ARL15: variants seen among roughly 807,000 people sequenced by gnomAD.
ARL15 encodes ARF like GTPase 15.
A neutral mutation model predicts 25.2 loss-of-function variants in ARL15; 19 were observed. The observed-to-expected ratio is 0.75, with a 90% CI of 0.53 to 1.10. The LOEUF is 1.10. Ranked by LOEUF, ARL15 falls within the 50% of genes least tolerant of loss-of-function variation. The probability of loss-of-function intolerance (pLI) is 0.00; values close to 1 mark genes in which losing one functional copy is unlikely to be tolerated. For synonymous variants in ARL15, 94 were observed against 86.8 expected, an observed-to-expected ratio of 1.08 and a Z score of -0.46; for missense variants, 220 against 246.0, an observed-to-expected ratio of 0.89 and a Z score of 0.71.
intron 4 of ARL15, among the ~76,000 whole-genome samples, chr5:53,926,228 C>T (rs1386471062): frequency 1.3e-5 from 2 of 152,026 alleles, no homozygotes; most frequent in East Asian, 3.9e-4. Context: ...TGCAGGAAGC[C>T]ACTAATGCCC....
At chr5:54,126,743 G>A (rs933297586) in intron 3 of ARL15, among the ~76,000 whole-genome samples, 5 of 152,212 alleles carry the variant, frequency 3.3e-5, no homozygotes, top group African/African-American at 7.2e-5. Flanking sequence ...CGGCAAGAAG[G>A]CCTTTGCCAA....
At chr5:54,114,984 G>A (rs1263612084) in intron 3 of ARL15, among the ~76,000 whole-genome samples, 2 of 152,150 alleles carry the variant, frequency 1.3e-5, no homozygotes, top group African/African-American at 2.4e-5. Flanking sequence ...GAAACAGTGG[G>A]GACTGCAGTT....
chr5:54,200,862 ACTT>A (rs1238090536), intron 1 of ARL15, among the ~76,000 whole-genome samples: 1 of 152,172 alleles, frequency 6.6e-6, no homozygotes, highest in African/African-American at 2.4e-5. Flanking sequence ...CCATAATTAT[ACTT>A]CTTCTGCAGT....
rs994572418 is a variant in ARL15, at chr5:53,884,517, G to A, written c.*2044C>T. 1.3e-5 allele frequency: 2 copies of A among 152,064 alleles called. No homozygotes were observed. Among genetic ancestry groups the A allele is most frequent in the African/African-American group, 4.8e-5 (2 of 41,386 alleles). The allele number at this position is 152,064 out of a possible 1,614,324, so 9.4% of individuals were successfully genotyped here. A position where few individuals can be genotyped will look rare whatever the true frequency, so the allele number is the denominator to read the frequency against. On this transcript the variant is annotated 3_prime_UTR_variant, in exon 5 of 5. Coordinates refer to ENST00000504924, the MANE Select transcript of ARL15 (RefSeq NM_019087.3). ...CTCCGACCTGCTAGACAAAGAGGGA[G>A]CCTTATTGACAGTTGTAAAGCATTA... is the stretch of plus-strand genomic sequence containing the variant.
At chr5:53,996,685 C>T (rs1191739334) in intron 4 of ARL15, among the ~76,000 whole-genome samples, 1 of 149,852 alleles carries the variant, frequency 6.7e-6, no homozygotes, top group Non-Finnish European at 1.5e-5. Context: ...ACATCTAGGT[C>T]TATATGACAA....
chr5:53,999,311 G>A (rs750321773), intron 4 of ARL15, among the ~76,000 whole-genome samples: 2 of 152,210 alleles, frequency 1.3e-5, no homozygotes, highest in African/African-American at 2.4e-5. Context: ...GTGGAAGGCC[G>A]GGCGTGGTGG....
At chr5:53,933,751 A>C (rs1746272233) in intron 4 of ARL15, among the ~76,000 whole-genome samples, 1 of 151,730 alleles carries the variant, frequency 6.6e-6, no homozygotes, top group African/African-American at 2.4e-5. Context: ...ATCTCTCTTA[A>C]TGAGAATCTA....
At chr5:54,087,951 T>G (rs184497932) in intron 4 of ARL15, among the ~76,000 whole-genome samples, 6 of 152,200 alleles carry the variant, frequency 3.9e-5, no homozygotes, top group African/African-American at 1.4e-4. Context: ...GCTGGGATTA[T>G]AGGCGTGAGC....
At chr5:54,000,311 G>A (rs1440307865) in intron 4 of ARL15, among the ~76,000 whole-genome samples, 3 of 152,100 alleles carry the variant, frequency 2.0e-5, no homozygotes, top group African/African-American at 2.4e-5. Context: ...CTTTCTTCTG[G>A]TCACTAGCTG....
chr5:53,944,377 G>A (rs553692765), intron 4 of ARL15, among the ~76,000 whole-genome samples: 5 of 152,240 alleles, frequency 3.3e-5, no homozygotes, highest in African/African-American at 9.6e-5. Flanking sequence ...TTGGGAGGCC[G>A]AGGCAGGAGG....
chr5:54,014,285 G>T (rs1749336951), intron 4 of ARL15, among the ~76,000 whole-genome samples: 1 of 152,106 alleles, frequency 6.6e-6, no homozygotes, highest in African/African-American at 2.4e-5. Context: ...TCTACCTAAA[G>T]ATCCAAGGGA....
At chr5:53,891,051 G>A (rs1222476265) in intron 4 of ARL15, among the ~76,000 whole-genome samples, 1 of 152,172 alleles carries the variant, frequency 6.6e-6, no homozygotes, top group Non-Finnish European at 1.5e-5. Flanking sequence ...CCAATTTGGT[G>A]TGACTAAATT....
intron 4 of ARL15, among the ~76,000 whole-genome samples, chr5:53,978,128 T>A (rs1748002813): frequency 6.6e-6 from 1 of 152,138 alleles, no homozygotes; most frequent in Non-Finnish European, 1.5e-5. Context: ...AAAAGGAACC[T>A]AGGGAAGAAT....
At chr5:54,079,754 G>A (rs934524900) in intron 4 of ARL15, among the ~76,000 whole-genome samples, 8 of 152,118 alleles carry the variant, frequency 5.3e-5, no homozygotes, top group African/African-American at 1.9e-4. Context: ...CAAATCACCA[G>A]CGGTCAGGAG....
At chr5:54,124,283 G>T (rs957675233) in intron 3 of ARL15, among the ~76,000 whole-genome samples, 6 of 152,128 alleles carry the variant, frequency 3.9e-5, no homozygotes, top group Admixed American at 3.9e-4. Flanking sequence ...ATTCTAGACA[G>T]GTCGAAACAG....
chr5:53,907,042 A>T (rs1745267769), intron 4 of ARL15, among the ~76,000 whole-genome samples: 1 of 152,124 alleles, frequency 6.6e-6, no homozygotes, highest in Non-Finnish European at 1.5e-5. Flanking sequence ...GATGCGATGA[A>T]GCTGCTGCCT....
intron 4 of ARL15, among the ~76,000 whole-genome samples, chr5:53,989,933 A>G (rs1748428361): frequency 6.6e-6 from 1 of 152,278 alleles, no homozygotes; most frequent in South Asian, 2.1e-4. Context: ...GGCATGAAAA[A>G]GTTTTAAAGA....
intron 1 of ARL15, among the ~76,000 whole-genome samples, chr5:54,259,322 C>T (rs1281283265): frequency 6.6e-6 from 1 of 152,154 alleles, no homozygotes; most frequent in South Asian, 2.1e-4. Flanking sequence ...TCAAACAGTT[C>T]TGTCATCCAT....
intron 4 of ARL15, among the ~76,000 whole-genome samples, chr5:53,980,470 C>T (rs1009244734): frequency 4.6e-5 from 7 of 152,150 alleles, no homozygotes; most frequent in Non-Finnish European, 7.3e-5. Flanking sequence ...CAATTTTAAG[C>T]GCTAAACTAT....
Sources: allele counts gnomAD v4.1 joint callset (sites outside exome capture counted in the v4.1 genomes callset), GRCh38; gene constraint gnomAD v4.1.1; transcripts MANE v1.5; gene names NCBI Gene and HGNC (gene_info 2026-07-23, HGNC 2026-07-21).